The following GATB variants were observed in gnomAD, a reference collection of about 807,000 sequenced individuals.
GATB encodes glutamyl-tRNA(Gln) amidotransferase subunit B, mitochondrial.
Under a neutral mutation model 62.3 loss-of-function variants are expected in GATB, and 39 were observed. That is an observed-to-expected ratio of 0.63 (90% confidence interval 0.48 to 0.82). GATB has a LOEUF of 0.82. Among genes scored for constraint, GATB ranks in the 40% least tolerant of loss-of-function variants. The probability of loss-of-function intolerance (pLI) is 0.00; values close to 1 mark genes in which losing one functional copy is unlikely to be tolerated. For synonymous variants in GATB, 276 were observed against 258.9 expected (o/e 1.07, Z -0.63); for missense variants, 670 against 684.0 (o/e 0.98, Z 0.23).
At chr4:151,680,009 G>A in intron 10 of GATB, 118 bp from the exon 11 acceptor site, 2 of 815,336 alleles carry the variant, frequency 2.5e-6, no homozygotes, top group Admixed American at 2.0e-5. Flanking sequence ...CCCACGCCTA[G>A]GGATGAAAAC....
chr4:151,725,355 T>C (rs1183280701), intron 2 of GATB, among the ~76,000 whole-genome samples: 1 of 152,252 alleles, frequency 6.6e-6, no homozygotes, highest in African/African-American at 2.4e-5. Flanking sequence ...AGCAGCAAAG[T>C]GGTGTAGCAC....
rs188939371 is a variant in GATB at position 151,683,472 on chromosome 4, G to A, written c.1332-3581C>T. Among the ~76,000 whole-genome samples the A allele has an allele frequency of 2.8e-3, 426 of 152,214 alleles. 5 individuals carry two copies. Among genetic ancestry groups the A allele is most frequent in the Admixed American group, 0.027 (408 of 15,294 alleles). Reference sequence around the variant, plus strand: ...TTGCCAGTTCATGCCAGGTGGCTCCGGTGTCCTCTTGCTGGGTCCTCTGAC... The same window carrying A: ...TTGCCAGTTCATGCCAGGTGGCTCCAGTGTCCTCTTGCTGGGTCCTCTGAC... On this transcript the variant is annotated intron_variant, in intron 10 of 12. Coordinates refer to ENST00000263985, the MANE Select transcript of GATB (RefSeq NM_004564.3).
chr4:151,682,357 C>T (rs1345817228), intron 10 of GATB, among the ~76,000 whole-genome samples: 3 of 152,122 alleles, frequency 2.0e-5, no homozygotes, highest in Non-Finnish European at 2.9e-5. Context: ...ACACAGACCC[C>T]GAAAGACCCC....
At chr4:151,756,825 G>A (rs1243166853) in intron 2 of GATB, among the ~76,000 whole-genome samples, 1 of 151,984 alleles carries the variant, frequency 6.6e-6, no homozygotes, top group Non-Finnish European at 1.5e-5. Context: ...CCAAATTTAG[G>A]TACAGCTGGA....
At chr4:151,697,036 T>C (rs1477123113) in intron 9 of GATB, among the ~76,000 whole-genome samples, 1 of 152,214 alleles carries the variant, frequency 6.6e-6, no homozygotes, top group Non-Finnish European at 1.5e-5. Context: ...TTGCTGGGAA[T>C]GTAAATTAGT....
At chr4:151,697,983 A>ATATATATGTGTATG (rs1738521383) in intron 9 of GATB, among the ~76,000 whole-genome samples, 1 of 133,540 alleles carries the variant, frequency 7.5e-6, no homozygotes, top group African/African-American at 3.0e-5. Context: ...ATATATATAT[A>ATATATATGTGTATG]TATATATATA....
chr4:151,719,494 CAG>C lies in GATB; in HGVS notation c.370_371del (p.Leu124GlyfsTer13), dbSNP rs1738984972. On this transcript the variant is annotated frameshift_variant, in exon 3 of 13. Transcript: ENST00000263985. LOFTEE classifies it high-confidence loss of function. ...RCVEAAVMTG[L>X]ALNCHINKKS... ...TCTTGTTTATGTGGCAGTTCAGAGC[CAG>C]GCCTGTCATCACCGCCGCTTCTACA... 2.5e-6 allele frequency: 4 copies of C among 1,610,662 alleles called. No individual in the cohort carries two copies. Among genetic ancestry groups the C allele is most frequent in the Non-Finnish European group, 3.4e-6 (4 of 1,178,552 alleles).
chr4:151,755,075 CTGT>C (rs1173951162), intron 2 of GATB, among the ~76,000 whole-genome samples: 2 of 152,064 alleles, frequency 1.3e-5, no homozygotes, highest in African/African-American at 4.8e-5. Flanking sequence ...AATTAATTAC[CTGT>C]TATTACTTGT....
At chr4:151,708,367 A>G (rs1235527645) in intron 5 of GATB, among the ~76,000 whole-genome samples, 2 of 152,242 alleles carry the variant, frequency 1.3e-5, no homozygotes, top group Non-Finnish European at 2.9e-5. Flanking sequence ...CACATATGGA[A>G]GAGAAGTTTT....
chr4:151,722,163 T>C lies in GATB; in HGVS notation c.328-2625A>G, dbSNP rs1339680690. On this transcript the variant is annotated intron_variant, in intron 2 of 12. Transcript: ENST00000263985. ...TGACAGATGGAAGTCCAGGTCAGCA[T>C]GTTCTGAGGATAGGATACAGAATGG... is the stretch of plus-strand genomic sequence containing the variant. 4.3e-6 allele frequency: 3 copies of C among 701,004 alleles called. No individual in the cohort carries two copies. The Admixed American group carries it at 6.0e-5, about 14-fold the overall frequency. The allele number at this position is 701,004 out of a possible 1,614,324, so 43.4% of individuals were successfully genotyped here.
intron 2 of GATB, among the ~76,000 whole-genome samples, chr4:151,757,422 T>C (rs550700487): frequency 6.6e-6 from 1 of 151,434 alleles, no homozygotes; most frequent in South Asian, 2.1e-4. Flanking sequence ...CTGAGAAAAG[T>C]ATACCTCTGC....
intron 9 of GATB, among the ~76,000 whole-genome samples, chr4:151,699,231 T>A (rs1479095834): frequency 3.3e-4 from 50 of 151,478 alleles, no homozygotes; most frequent in Non-Finnish European, 4.4e-5. Flanking sequence ...CTACTAAAAA[T>A]ACAAAAAATT....
intron 2 of GATB, among the ~76,000 whole-genome samples, chr4:151,750,031 G>A (rs1192479133): frequency 6.6e-6 from 1 of 151,990 alleles, no homozygotes; most frequent in African/African-American, 2.4e-5. Flanking sequence ...ACAGACGTCC[G>A]CCACCACACC....
chr4:151,741,672 C>T (rs1043609630), intron 2 of GATB, among the ~76,000 whole-genome samples: 2 of 152,162 alleles, frequency 1.3e-5, no homozygotes, highest in African/African-American at 4.8e-5. Context: ...AGGGGGAGGC[C>T]AGACGAGGTC....
In GATB at chr4:151,760,943, G is replaced by C. The variant is rs373690847; in HGVS notation, c.40C>G (p.Arg14Gly). ...CCGTCAACCCGGGCGAAAGCCCAAC[G>C]TCTTCCACGGCAGCCCCAGCGCAGC... ...PMLRWGCRGR[R>G]WAFARVDGGS... Residue 14 changes from arginine (R) to glycine (G), a missense_variant, in exon 1 of 13, where the codon CGT becomes GGT. By Grantham distance (125) the Arg-to-Gly change is moderately radical. Transcript: ENST00000263985. 2 of 1,613,534 alleles carry C rather than the reference G, an allele frequency of 1.2e-6. No homozygotes were observed. Among genetic ancestry groups the C allele is most frequent in the Admixed American group, 1.7e-5 (1 of 59,988 alleles).
chr4:151,755,486 A>AG (rs1739809011), intron 2 of GATB, among the ~76,000 whole-genome samples: 1 of 152,234 alleles, frequency 6.6e-6, no homozygotes, highest in Admixed American at 6.5e-5. Context: ...TTCCAAGGAC[A>AG]GATTCCTAAA....
At position 151,703,863 on chromosome 4, in the gene GATB, T is replaced by A. The variant is rs1408945352; in HGVS notation, c.995A>T (p.Lys332Ile). 4 of 1,605,518 alleles carry A rather than the reference T, an allele frequency of 2.5e-6. No homozygotes were observed. Among genetic ancestry groups the A allele is most frequent in the Non-Finnish European group, 3.4e-6 (4 of 1,172,138 alleles). The change falls in exon 8 of 13, where the codon AAA becomes ATA. Residue 332 changes from lysine to isoleucine, a missense_variant. Lys to Ile is a moderately radical substitution (Grantham distance 102). Coordinates refer to ENST00000263985, the MANE Select transcript of GATB (RefSeq NM_004564.3). ...AAGGAGTAACCACCTGTAGTCCTGT[T>A]TTCCTTCTTTGTCTCTCATTGACAT... is the stretch of plus-strand genomic sequence containing the variant. ...CTMSMRDKEG[K>I]QDYRFMPEPN...
At chr4:151,754,793 T>C (rs1004940729) in intron 2 of GATB, among the ~76,000 whole-genome samples, 1 of 152,232 alleles carries the variant, frequency 6.6e-6, no homozygotes, top group African/African-American at 2.4e-5. Flanking sequence ...ATTTTATCCA[T>C]ATACTAGTTT....
chr4:151,717,861 G>A (rs895087158), intron 3 of GATB, among the ~76,000 whole-genome samples: 1 of 152,210 alleles, frequency 6.6e-6, no homozygotes, highest in African/African-American at 2.4e-5. Context: ...CCCAGGTGCT[G>A]CTCTCACTGT....
Sources: allele counts gnomAD v4.1 joint callset (sites outside exome capture counted in the v4.1 genomes callset), GRCh38; gene constraint gnomAD v4.1.1; transcripts MANE v1.5; gene names NCBI Gene and HGNC (gene_info 2026-07-23, HGNC 2026-07-21).